The following ERAP1 variants were observed in gnomAD, a reference collection of about 807,000 sequenced individuals.
ERAP1 encodes adipocyte-derived leucine aminopeptidase.
Under a neutral mutation model 103.7 loss-of-function variants are expected in ERAP1, and 86 were observed. That is an observed-to-expected ratio of 0.83 (90% CI 0.70 to 0.99). The LOEUF is 0.99. Ranked by LOEUF, ERAP1 falls within the 50% of genes least tolerant of loss-of-function variation. The pLI is 0.00. For missense variants in ERAP1, 1,009 were observed against 1,128.4 expected, an observed-to-expected ratio of 0.89 and a Z score of 1.52; for synonymous variants, 398 against 402.4, an observed-to-expected ratio of 0.99 and a Z score of 0.13.
In ERAP1 at chr5:96,775,291, G is replaced by C. The variant is rs1415552488; in HGVS notation, c.*1105C>G. The C allele has an allele frequency of 3.0e-6, 3 of 985,364 alleles. No individual in the cohort carries two copies. Among genetic ancestry groups the C allele is most frequent in the East Asian group, 1.1e-4 (1 of 8,966 alleles). The allele number at this position is 985,364 out of a possible 1,614,324, so 61.0% of individuals were successfully genotyped here. On this transcript the variant is annotated 3_prime_UTR_variant, in exon 19 of 19. Coordinates refer to ENST00000443439, the MANE Select transcript of ERAP1 (RefSeq NM_001040458.3). ...AAGAAAGAAAGACTTCAAAGCCAAA[G>C]AATGTCCTATTTGCTAATATGAGCA...
At chr5:96,904,099 T>C in the ERAP1 span, among the ~76,000 whole-genome samples, 2 of 152,392 alleles carry the variant, frequency 1.3e-5, no homozygotes, top group Admixed American at 6.5e-5. Context: ...TGGGTTGTTA[T>C]GAAATCTATT....
chr5:96,774,053 C>CATT (rs1351475326), downstream of ERAP1: 1 of 152,388 alleles, frequency 6.6e-6, no homozygotes, highest in Non-Finnish European at 1.5e-5. Flanking sequence ...CAGAAATAGT[C>CATT]ATTATTCTAT....
chr5:96,841,899 T>C, the ERAP1 span, among the ~76,000 whole-genome samples: 1 of 152,114 alleles, frequency 6.6e-6, no homozygotes, highest in Non-Finnish European at 1.5e-5. Context: ...CCGAGCAGTG[T>C]ACAGTGTACC....
the ERAP1 span, among the ~76,000 whole-genome samples, chr5:96,852,555 T>G: frequency 6.6e-6 from 1 of 152,324 alleles, no homozygotes; most frequent in Non-Finnish European, 1.5e-5. Context: ...TAGTTAAAAT[T>G]TAAGGGCAGG....
chr5:96,818,878 G>T, the ERAP1 span, among the ~76,000 whole-genome samples: 1 of 150,910 alleles, frequency 6.6e-6, no homozygotes, highest in Non-Finnish European at 1.5e-5. Context: ...TTCCAATGAA[G>T]CCAAACCTGA....
chr5:96,853,527 C>G, the ERAP1 span, among the ~76,000 whole-genome samples: 1 of 152,070 alleles, frequency 6.6e-6, no homozygotes, highest in African/African-American at 2.4e-5. Context: ...ATGTCTAGAA[C>G]TGGGAGATAT....
At chr5:96,834,508 G>A in the ERAP1 span, among the ~76,000 whole-genome samples, 2 of 152,320 alleles carry the variant, frequency 1.3e-5, no homozygotes, top group Admixed American at 1.3e-4. Context: ...TAACTGCTAA[G>A]TTGTGATATG....
chr5:96,917,422 A>G, the ERAP1 span: 1 of 1,575,524 alleles, frequency 6.3e-7, no homozygotes, highest in Non-Finnish European at 8.6e-7. Flanking sequence ...CACTCGGCCA[A>G]GACAAAGTGT....
intron 15 of ERAP1, 126 bp from the exon 16 acceptor site, chr5:96,781,980 C>CA: frequency 1.2e-6 from 1 of 841,046 alleles, no homozygotes; most frequent in Non-Finnish European, 1.9e-6. Flanking sequence ...GAAATATAAA[C>CA]AAAAACTACT....
chr5:96,907,016 GAAACTCCATCTCAAAAAC>G, the ERAP1 span, among the ~76,000 whole-genome samples: 1 of 152,176 alleles, frequency 6.6e-6, no homozygotes, highest in Non-Finnish European at 1.5e-5. Context: ...CAACAGGAGT[GAAACTCCATCTCAAAAAC>G]AAAACAAAAC....
At chr5:96,845,614 T>C in the ERAP1 span, among the ~76,000 whole-genome samples, 1 of 152,260 alleles carries the variant, frequency 6.6e-6, no homozygotes, top group Non-Finnish European at 1.5e-5. Flanking sequence ...TTTATCTTCA[T>C]ATTAATTAGT....
the ERAP1 span, chr5:96,879,875 T>G: frequency 6.2e-7 from 1 of 1,614,192 alleles, no homozygotes; most frequent in Non-Finnish European, 8.5e-7. Flanking sequence ...ACGATTTCCT[T>G]GGCAGGAGCT....
chr5:96,833,708 G>T, the ERAP1 span, among the ~76,000 whole-genome samples: 1 of 151,692 alleles, frequency 6.6e-6, no homozygotes, highest in South Asian at 2.1e-4. Flanking sequence ...TGAGGCAGGG[G>T]AATCGCTTGA....
chr5:96,807,566 C>A (rs1414947119), intron 1 of ERAP1, among the ~76,000 whole-genome samples: 1 of 152,146 alleles, frequency 6.6e-6, no homozygotes, highest in Non-Finnish European at 1.5e-5. Flanking sequence ...CCCGGAGGGA[C>A]AGGGACAGGG....
chr5:96,839,628 C>G, the ERAP1 span, among the ~76,000 whole-genome samples: 3 of 152,158 alleles, frequency 2.0e-5, no homozygotes, highest in Non-Finnish European at 4.4e-5. Context: ...CACAGGGCCC[C>G]GCATGATCAT....
chr5:96,836,494 G>A, the ERAP1 span, among the ~76,000 whole-genome samples: 2 of 152,118 alleles, frequency 1.3e-5, no homozygotes, highest in Non-Finnish European at 1.5e-5. Flanking sequence ...GAGCCACCAC[G>A]CCTGGTCCAC....
At chr5:96,891,521 A>AG in the ERAP1 span, among the ~76,000 whole-genome samples, 1 of 30,408 alleles carries the variant, frequency 3.3e-5, no homozygotes, top group African/African-American at 1.3e-4. Context: ...ATATATGCCC[A>AG]TATACGGTAT....
intron 19 of ERAP1, among the ~76,000 whole-genome samples, chr5:96,766,449 C>T (rs1224714537): frequency 6.6e-6 from 1 of 152,048 alleles, no homozygotes; most frequent in Non-Finnish European, 1.5e-5. Context: ...ATAAAAATGA[C>T]TAAGGTGATA....
chr5:96,838,932 C>T, the ERAP1 span, among the ~76,000 whole-genome samples: 1 of 152,170 alleles, frequency 6.6e-6, no homozygotes, highest in Admixed American at 6.5e-5. Flanking sequence ...CTTCAGATAC[C>T]AGTTACAAGC....
Sources: gnomAD v4.1 joint callset for allele counts (sites outside exome capture counted in the v4.1 genomes callset) on GRCh38, gnomAD v4.1.1 for gene constraint, MANE v1.5 for transcripts, NCBI Gene and HGNC (gene_info 2026-07-23, HGNC 2026-07-21) for gene names.